Variants in ZNF721 observed in about 807,000 individuals in gnomAD.
ZNF721 encodes zinc finger protein 721.
ZNF721 carries 2 observed loss-of-function variants against 2.4 expected under a neutral mutation model. The observed-to-expected ratio is 0.82, with a 90% CI of 0.34 to 2.58. The LOEUF (loss-of-function observed/expected upper bound fraction) is 2.58. ZNF721 is among the 30% of genes most tolerant of loss of function. The pLI, the probability that ZNF721 is intolerant of heterozygous loss-of-function variation, is 0.11. For synonymous variants in ZNF721, 398 were observed against 381.8 expected, an observed-to-expected ratio of 1.04 and a Z score of -0.50; for missense variants, 1,187 against 1,085.5, an observed-to-expected ratio of 1.09 and a Z score of -1.31.
chr4:460,158 A>T (rs532924856), intron 2 of ZNF721, among the ~76,000 whole-genome samples: 1 of 152,212 alleles, frequency 6.6e-6, no homozygotes, highest in Non-Finnish European at 1.5e-5. Flanking sequence ...TCGGCACCAC[A>T]TCGCACTTAA....
Position 441,440 on chromosome 4 carries a change from C to T in ZNF721, c.*255G>A. ...TGACTAGAATTGGAAGTCTTTGCCACATTTTTAATTTTAATTTGGCTTCTC... is the reference window on the plus strand; with the variant it reads ...TGACTAGAATTGGAAGTCTTTGCCATATTTTTAATTTTAATTTGGCTTCTC... On this transcript the variant is annotated 3_prime_UTR_variant, in exon 3 of 3. Coordinates refer to ENST00000511833, the MANE Select transcript of ZNF721 (RefSeq NM_133474.4). The T allele has an allele frequency of 2.9e-6, 1 of 349,794 alleles. No homozygotes were observed. Among genetic ancestry groups the T allele is most frequent in the Non-Finnish European group, 5.1e-6 (1 of 194,322 alleles). The allele number at this position is 349,794 out of a possible 1,614,324, so 21.7% of individuals were successfully genotyped here. A position where few individuals can be genotyped will look rare whatever the true frequency, so the allele number is the denominator to read the frequency against.
Position 443,716 on chromosome 4 carries a change from A to C in ZNF721, c.751T>G (p.Cys251Gly). 6.2e-7 allele frequency: 1 copy of C among 1,614,140 alleles called. No homozygotes were observed. Among genetic ancestry groups the C allele is most frequent in the Non-Finnish European group, 8.5e-7 (1 of 1,179,990 alleles). The change falls in exon 3 of 3, where the codon TGT becomes GGT. Residue 251 changes from cysteine (C) to glycine (G), a missense_variant. By Grantham distance (159) the Cys-to-Gly change is radical. Coordinates refer to ENST00000511833, the MANE Select transcript of ZNF721 (RefSeq NM_133474.4). ...GAAATGACTTTGCCACATTCCTTACATTTGTAGGGTTTCTCTCCAGTATGA... is the reference window on the plus strand; with the variant it reads ...GAAATGACTTTGCCACATTCCTTACCTTTGTAGGGTTTCTCTCCAGTATGA... ...KIHTGEKPYK[C>G]KECGKVISSS... is the part of the protein sequence containing the mutation.
At chr4:489,134 T>C (rs1177625581) in intron 1 of ZNF721, among the ~76,000 whole-genome samples, 5 of 152,162 alleles carry the variant, frequency 3.3e-5, no homozygotes, top group Admixed American at 1.3e-4. Flanking sequence ...TGGTTTTAGC[T>C]TCACCCTTTC....
rs553044059 is a variant in ZNF721 at position 448,930 on chromosome 4, AAGTAC to A, written c.35-4503_35-4499del. Among the ~76,000 whole-genome samples the A allele has an allele frequency of 9.3e-4, 142 of 152,328 alleles. 1 individual carries two copies. The highest frequency in any genetic ancestry group is 1.7e-3 in the East Asian group (9 of 5,188). ...ACTCAGTTTGTAAAAAGCAAAAATT[AAGTAC>A]AGTAAAGATAAACCTTGATGACATT... On this transcript the variant is annotated intron_variant, in intron 2 of 2. Transcript: ENST00000511833.
chr4:442,748 A>G lies in ZNF721; in HGVS notation c.1719T>C (p.Tyr573=), dbSNP rs377139118. ...GKTFRQSANL[Y]VHRRIHTGEK... is the part of the protein sequence containing the mutation. ...CTCCAGTATGAATTCTCCTATGTAC[A>G]TAAAGGTTTGCGGACTGTCTAAAGG... The change falls in exon 3 of 3, where the codon TAT becomes TAC. Residue 573 remains tyrosine (Y), a synonymous_variant. Coordinates refer to ENST00000511833, the MANE Select transcript of ZNF721 (RefSeq NM_133474.4). 2.2e-5 allele frequency: 36 copies of G among 1,614,108 alleles called. No homozygotes were observed. The highest frequency in any genetic ancestry group is 1.3e-4 in the African/African-American group (10 of 75,044).
chr4:466,841 G>A (rs1249730290), intron 2 of ZNF721, among the ~76,000 whole-genome samples: 2 of 152,142 alleles, frequency 1.3e-5, no homozygotes, highest in Non-Finnish European at 2.9e-5. Context: ...AGATTTGAAT[G>A]GCGCCACAGA....
At chr4:496,111 C>T (rs1389561611) in intron 1 of ZNF721, among the ~76,000 whole-genome samples, 4 of 151,550 alleles carry the variant, frequency 2.6e-5, no homozygotes, top group African/African-American at 9.7e-5. Flanking sequence ...TTTCCTTTTG[C>T]TGGCCGTTTT....
chr4:471,140 A>G (rs1280223156), intron 2 of ZNF721, among the ~76,000 whole-genome samples: 1 of 152,216 alleles, frequency 6.6e-6, no homozygotes, highest in Non-Finnish European at 1.5e-5. Context: ...ACATACATAC[A>G]AGGTATATGC....
intron 1 of ZNF721, among the ~76,000 whole-genome samples, chr4:475,953 T>C (rs781991814): frequency 1.1e-4 from 17 of 152,248 alleles, no homozygotes; most frequent in Admixed American, 5.2e-4. Flanking sequence ...GTGGGTGTAT[T>C]TGACTGAGCA....
rs1553863921 is a variant in ZNF721, at chr4:444,398, T to C, written c.69A>G (p.Pro23=). The change falls in exon 3 of 3, where the codon CCA becomes CCG. Residue 23 remains proline, a synonymous_variant. Coordinates refer to ENST00000511833, the MANE Select transcript of ZNF721 (RefSeq NM_133474.4). ...GGAATGAATCTTCTATCCCCTGCAC[T>C]GGCAAAAAGTCTTGGGTGAAATGAG... The part of the protein sequence containing the change: ...MCSHFTQDFL[P]VQGIEDSFHK... 1.9e-6 allele frequency: 3 copies of C among 1,591,860 alleles called. No individual in the cohort carries two copies. The highest frequency in any genetic ancestry group is 1.7e-6 in the Non-Finnish European group (2 of 1,171,324).
At chr4:448,442 CAAA>C (rs35367332) in intron 2 of ZNF721, among the ~76,000 whole-genome samples, 10 of 123,114 alleles carry the variant, frequency 8.1e-5, no homozygotes, top group South Asian at 2.5e-4. Flanking sequence ...TATCCCCCCC[CAAA>C]AAAAAAAAAA....
At chr4:477,533 C>T (rs1331916706) in intron 1 of ZNF721, among the ~76,000 whole-genome samples, 10 of 152,124 alleles carry the variant, frequency 6.6e-5, no homozygotes, top group South Asian at 2.1e-4. Flanking sequence ...CCACCGTGCC[C>T]GGCGCATTAA....
chr4:468,067 C>G (rs868984718), intron 2 of ZNF721, among the ~76,000 whole-genome samples: 2 of 152,216 alleles, frequency 1.3e-5, no homozygotes, highest in African/African-American at 4.8e-5. Context: ...ATCACGAGGT[C>G]AGGAGATCGA....
intron 1 of ZNF721, among the ~76,000 whole-genome samples, chr4:473,297 C>G (rs1715496386): frequency 6.6e-6 from 1 of 152,144 alleles, no homozygotes; most frequent in Non-Finnish European, 1.5e-5. Flanking sequence ...GATGCTCCTC[C>G]ACCTGGACCC....
intron 1 of ZNF721, among the ~76,000 whole-genome samples, chr4:482,247 TC>T: frequency 6.6e-6 from 1 of 152,172 alleles, no homozygotes; most frequent in Non-Finnish European, 1.5e-5. Context: ...CACTGCAACC[TC>T]CATCTTCCAG....
At chr4:457,718 A>G (rs1714888904) in intron 2 of ZNF721, among the ~76,000 whole-genome samples, 1 of 152,110 alleles carries the variant, frequency 6.6e-6, no homozygotes, top group African/African-American at 2.4e-5. Context: ...TTTATGGTGG[A>G]TCTTGACGTG....
At position 442,509 on chromosome 4, in the gene ZNF721, G is replaced by A. The variant is rs1325809672; in HGVS notation, c.1958C>T (p.Ser653Leu). The A allele has an allele frequency of 4.3e-6, 7 of 1,612,386 alleles. No homozygotes were observed. Among genetic ancestry groups the A allele is most frequent in the Non-Finnish European group, 5.9e-6 (7 of 1,178,978 alleles). Residue 653 changes from serine to leucine, a missense_variant, in exon 3 of 3, where the codon TCA (serine) becomes TTA (leucine). Transcript: ENST00000511833. ...TTTCGTGTGTTGATTCAGGTCTGTT[G>A]ATGGGGCAAAGGCTTTGCCACACTC... Reference protein sequence around the residue: ...CEECGKAFAPSTDLNQHTKIL... With the variant: ...CEECGKAFAPLTDLNQHTKIL...
intron 2 of ZNF721, among the ~76,000 whole-genome samples, chr4:450,555 A>G (rs1256819270): frequency 2.0e-5 from 3 of 152,176 alleles, no homozygotes; most frequent in African/African-American, 7.2e-5. Context: ...AAATATGGAC[A>G]TACACATGGT....
At chr4:465,780 T>C (rs1223096843) in intron 2 of ZNF721, among the ~76,000 whole-genome samples, 8 of 142,204 alleles carry the variant, frequency 5.6e-5, no homozygotes, top group Admixed American at 5.5e-4. Context: ...TCTTGGAAAT[T>C]ACAAAAAAAA....
Sources: allele counts gnomAD v4.1 joint callset (sites outside exome capture counted in the v4.1 genomes callset), GRCh38; gene constraint gnomAD v4.1.1; transcripts MANE v1.5; gene names NCBI Gene and HGNC (gene_info 2026-07-23, HGNC 2026-07-21).